The following PLRG1 variants were observed in gnomAD, a reference collection of about 807,000 sequenced individuals.
PLRG1 encodes pleiotropic regulator 1.
PLRG1 carries 28 observed loss-of-function variants against 74.9 expected under a neutral mutation model. That is an observed-to-expected ratio of 0.37 (90% CI 0.28 to 0.51). The LOEUF is 0.51. Ranked by LOEUF, PLRG1 falls within the 20% of genes least tolerant of loss-of-function variation. The probability of loss-of-function intolerance (pLI) is 0.91; values close to 1 mark genes in which losing one functional copy is unlikely to be tolerated. For synonymous variants in PLRG1, 197 were observed against 212.4 expected (o/e 0.93, Z 0.63); for missense variants, 445 against 631.9 (o/e 0.70, Z 3.17).
At chr4:154,549,055 T>C (rs867068719) in intron 1 of PLRG1, 120 bp from the exon 2 acceptor site, 17 of 663,142 alleles carry the variant, frequency 2.6e-5, no homozygotes, top group South Asian at 1.3e-4. Context: ...CCACTCACCA[T>C]AGCTACTTGT....
At chr4:154,547,936 A>G in intron 2 of PLRG1, 83 bp from the exon 3 acceptor site, 2 of 1,033,488 alleles carry the variant, frequency 1.9e-6, no homozygotes, top group Non-Finnish European at 2.8e-6. Flanking sequence ...ATTCACGTAG[A>G]AAAAGTTTCT....
intron 4 of PLRG1, chr4:154,546,534 T>C (rs1310004003): frequency 9.4e-6 from 3 of 319,692 alleles, no homozygotes; most frequent in Non-Finnish European, 1.7e-5. Context: ...AACAGAATGT[T>C]TCCAAGAGTG....
intron 8 of PLRG1, among the ~76,000 whole-genome samples, chr4:154,541,473 A>C (rs1729554681): frequency 6.6e-6 from 1 of 152,188 alleles, no homozygotes; most frequent in Non-Finnish European, 1.5e-5. Flanking sequence ...TATTTGACCC[A>C]TTTATTCCAT....
chr4:154,545,784 G>T (rs1487461872), intron 6 of PLRG1, 52 bp downstream of exon 6: 3 of 1,048,148 alleles, frequency 2.9e-6, no homozygotes, highest in Admixed American at 2.0e-5. Context: ...AGGGAAATAT[G>T]GCAACATGTT....
At position 154,539,866 on chromosome 4, in the gene PLRG1, A is replaced by G. The variant is rs1729523754; in HGVS notation, c.1042+85T>C. ...CACTGTAAACACAATACAGAGCAAG[A>G]GTCATCATGAATATTAAAAGTATAT... On this transcript the variant is annotated intron_variant, in intron 11 of 14. Coordinates refer to ENST00000499023, the MANE Select transcript of PLRG1 (RefSeq NM_002669.4). 3.9e-6 allele frequency: 3 copies of G among 776,422 alleles called. No homozygotes were observed. In the South Asian group the frequency reaches 4.1e-5, roughly 11 times the overall value. 48.1% of individuals were successfully genotyped at this position (776,422 alleles called of 1,614,324 possible).
intron 2 of PLRG1, among the ~76,000 whole-genome samples, 166 bp downstream of exon 2, chr4:154,548,663 C>A (rs1474517069): frequency 2.6e-5 from 4 of 151,174 alleles, no homozygotes; most frequent in Non-Finnish European, 5.9e-5. Context: ...CTGTAAAAGG[C>A]CAAAAAAAAA....
At position 154,548,923 on chromosome 4, in the gene PLRG1, G is replaced by A. The variant is rs760786703; in HGVS notation, c.22C>T (p.His8Tyr). 4 of 1,574,110 alleles carry A rather than the reference G, an allele frequency of 2.5e-6. No individual in the cohort carries two copies. The Admixed American group carries it at 5.0e-5, about 20-fold the overall frequency. MVEEVQK[H>Y]SVHTLVFRSL... is the part of the protein sequence containing the mutation. ...CTGAACACAAGGGTGTGTACAGAAT[G>A]TTTCTGTACCTCCTAAAAAAAAAGA... Residue 8 changes from histidine to tyrosine, a missense_variant, in exon 2 of 15, where the codon CAT (histidine) becomes TAT (tyrosine). By Grantham distance (83) the His-to-Tyr change is moderately conservative. Transcript: ENST00000499023.
intron 13 of PLRG1, 76 bp downstream of exon 13, chr4:154,537,893 G>A: frequency 1.2e-6 from 1 of 823,440 alleles, no homozygotes; most frequent in South Asian, 2.3e-5. Flanking sequence ...CAGCTTAGAA[G>A]CATTACAAAT....
intron 7 of PLRG1, 34 bp downstream of exon 7, chr4:154,544,411 G>T: frequency 1.8e-6 from 2 of 1,133,542 alleles, no homozygotes; most frequent in Non-Finnish European, 2.7e-6. Flanking sequence ...AGCAATCATG[G>T]TTCACATAAT....
chr4:154,549,915 A>C, intron 1 of PLRG1: 1 of 418,020 alleles, frequency 2.4e-6, no homozygotes, highest in South Asian at 2.0e-5. Flanking sequence ...GTGAAATAAG[A>C]GACGACCTGA....
chr4:154,541,613 TAC>T (rs1578767853), intron 8 of PLRG1, among the ~76,000 whole-genome samples: 2 of 152,262 alleles, frequency 1.3e-5, no homozygotes, highest in South Asian at 2.1e-4. Context: ...GAAAACAGAT[TAC>T]AGACTATCTA....
intron 3 of PLRG1, 104 bp downstream of exon 3, chr4:154,547,607 C>T (rs942730978): frequency 3.1e-5 from 31 of 999,476 alleles, no homozygotes; most frequent in African/African-American, 4.8e-5. Context: ...AAATACTGTA[C>T]GACCACAATA....
At chr4:154,541,535 A>G (rs1729555795) in intron 8 of PLRG1, among the ~76,000 whole-genome samples, 1 of 152,194 alleles carries the variant, frequency 6.6e-6, no homozygotes, top group Non-Finnish European at 1.5e-5. Context: ...AAAGTCTTAT[A>G]TACAAAACTT....
In PLRG1 at chr4:154,540,865, T is replaced by A. The variant is rs1314832379; in HGVS notation, c.757A>T (p.Ile253Leu). The A allele has an allele frequency of 1.2e-6, 2 of 1,613,552 alleles. No individual in the cohort carries two copies. The highest frequency in any genetic ancestry group is 1.7e-6 in the Non-Finnish European group (2 of 1,179,486). ...AGATATGGGCTCCTTGTGCTTACTA[T>A]CACGCCCCGCACAGTACTAATATGC... is the stretch of plus-strand genomic sequence containing the variant. ...TGHISTVRGV[I>L]VSTRSPYLFS... is the part of the protein sequence containing the mutation. The change falls in exon 9 of 15, where the codon ATA (isoleucine) becomes TTA (leucine). Residue 253 changes from isoleucine (I) to leucine (L), a missense_variant. By Grantham distance (5) the Ile-to-Leu change is conservative (BLOSUM62 2). This residue lies in a region of PLRG1 where 221 missense variants were observed against 377.7 expected (regional missense o/e 0.59). Coordinates refer to ENST00000499023, the MANE Select transcript of PLRG1 (RefSeq NM_002669.4).
At position 154,547,058 on chromosome 4, in the gene PLRG1, T is replaced by C; in HGVS notation, c.266A>G (p.Glu89Gly). Reference sequence around the variant, plus strand: ...TGTACCTGCCACAAAGTATTCAACTTCTTGTCCTAAAAAAACACAAAAAAA... The same window carrying C: ...TGTACCTGCCACAAAGTATTCAACTCCTTGTCCTAAAAAAACACAAAAAAA... Reference protein sequence around the residue: ...HKQYPANQGQEVEYFVAGTHP... With the variant: ...HKQYPANQGQGVEYFVAGTHP... Residue 89 changes from glutamate (E) to glycine (G), a missense_variant, in exon 4 of 15, where the codon GAA becomes GGA. Glu to Gly is a moderately conservative substitution (Grantham distance 98). Around this residue, in one of 3 missense-constraint regions of PLRG1, gnomAD observed 206 missense variants for 210.8 expected, o/e 0.98. Transcript: ENST00000499023. 2 of 1,612,034 alleles carry C rather than the reference T, an allele frequency of 1.2e-6. No individual in the cohort carries two copies. Among genetic ancestry groups the C allele is most frequent in the South Asian group, 2.2e-5 (2 of 91,032 alleles).
At chr4:154,549,330 A>G (rs1038840903) in intron 1 of PLRG1, among the ~76,000 whole-genome samples, 2 of 152,258 alleles carry the variant, frequency 1.3e-5, no homozygotes, top group African/African-American at 4.8e-5. Flanking sequence ...GCAACAAGCA[A>G]GGCGCTGAGT....
At chr4:154,544,409 T>C (rs200800915) in intron 7 of PLRG1, 36 bp downstream of exon 7, 6 of 1,112,006 alleles carry the variant, frequency 5.4e-6, no homozygotes, top group Middle Eastern at 2.0e-4. Flanking sequence ...AAAGCAATCA[T>C]GGTTCACATA....
chr4:154,540,884 A>G lies in PLRG1; in HGVS notation c.738T>C (p.Ile246=). ...GKLKLSLTGH[I]STVRGVIVST... is the part of the protein sequence containing the mutation. ...TTACTATCACGCCCCGCACAGTACT[A>G]ATATGCCCAGTCAATGACAGTTTTA... The change falls in exon 9 of 15, where the codon ATT becomes ATC. Residue 246 remains isoleucine (I), a synonymous_variant. Transcript: ENST00000499023. 1 of 1,612,372 alleles carries G rather than the reference A, an allele frequency of 6.2e-7. No individual in the cohort carries two copies. The highest frequency in any genetic ancestry group is 8.5e-7 in the Non-Finnish European group (1 of 1,178,782).
chr4:154,543,391 C>A (rs60666900), intron 7 of PLRG1, among the ~76,000 whole-genome samples: 3 of 151,820 alleles, frequency 2.0e-5, no homozygotes, highest in African/African-American at 7.3e-5. Flanking sequence ...TCAAGAGATG[C>A]GCTTGCCTAG....
Sources: allele counts gnomAD v4.1 joint callset (sites outside exome capture counted in the v4.1 genomes callset), GRCh38; gene constraint gnomAD v4.1.1; regional missense constraint gnomAD v4.1.1; transcripts MANE v1.5; gene names NCBI Gene and HGNC (gene_info 2026-07-23, HGNC 2026-07-21).